Variants in DOCK8 observed in about 807,000 individuals in gnomAD.
DOCK8 encodes the protein dedicator of cytokinesis 8.
In DOCK8, 141 loss-of-function variants were observed where a neutral mutation model predicts 245.6. The ratio of observed to expected loss-of-function variants is 0.57; its 90% CI spans 0.50 to 0.66. The LOEUF is 0.66. DOCK8 is among the 30% of genes least tolerant of loss of function. The probability of loss-of-function intolerance (pLI) is 0.00; values close to 1 mark genes in which losing one functional copy is unlikely to be tolerated. For synonymous variants in DOCK8, 1,168 were observed against 970.2 expected (o/e 1.20, Z -3.79); for missense variants, 2,965 against 2,603.4 (o/e 1.14, Z -3.02).
At chr9:238,433 C>G (rs1308338085) in intron 1 of DOCK8, among the ~76,000 whole-genome samples, 1 of 151,764 alleles carries the variant, frequency 6.6e-6, no homozygotes, top group Middle Eastern at 3.2e-3. Flanking sequence ...GGTAGATACT[C>G]AAAAAAGAAA....
intron 24 of DOCK8, among the ~76,000 whole-genome samples, chr9:395,531 T>TTAGTAGTAGTAGTAGTAGTAGTAG (rs60738310): frequency 1.3e-5 from 2 of 149,476 alleles, no homozygotes; most frequent in East Asian, 2.0e-4. Context: ...TCCAGTGCCA[T>TTAGTAGTAGTAGTAGTAGTAGTAG]TAGTAGTAGT....
chr9:403,917 CAT>C (rs752540957), intron 26 of DOCK8, among the ~76,000 whole-genome samples: 1,880 of 64,910 alleles, frequency 0.029, 48 homozygotes, highest in East Asian at 0.056. Flanking sequence ...TATATATATA[CAT>C]ATATATATAT....
chr9:242,729 A>T (rs938462401), intron 1 of DOCK8, among the ~76,000 whole-genome samples: 1 of 152,022 alleles, frequency 6.6e-6, no homozygotes, highest in African/African-American at 2.4e-5. Context: ...GCCTTTGCCA[A>T]TCATTGCCAC....
At chr9:449,178 G>A (rs1392483371) in intron 44 of DOCK8, among the ~76,000 whole-genome samples, 3 of 151,886 alleles carry the variant, frequency 2.0e-5, no homozygotes, top group Admixed American at 6.6e-5. Context: ...TAGAGAAACC[G>A]CATCTCTACT....
At chr9:382,816 T>C (rs1038220672) in intron 22 of DOCK8, 131 bp downstream of exon 22, 9 of 1,200,608 alleles carry the variant, frequency 7.5e-6, no homozygotes, top group Non-Finnish European at 1.1e-5. Flanking sequence ...TGCTCAGCTT[T>C]GGAGTGATTA....
chr9:446,242 A>G, intron 43 of DOCK8, 128 bp from the exon 44 acceptor site: 3 of 813,438 alleles, frequency 3.7e-6, no homozygotes, highest in Non-Finnish European at 4.3e-6. Context: ...TCTCCCCTGC[A>G]TCTGTAGCTT....
intron 2 of DOCK8, chr9:273,065 C>T (rs1389661538): frequency 1.8e-5 from 18 of 985,274 alleles, no homozygotes; most frequent in Non-Finnish European, 2.0e-5. Flanking sequence ...TCTCCTGTAA[C>T]AATTTACGCG....
At chr9:254,801 A>C (rs2047729536) in intron 1 of DOCK8, among the ~76,000 whole-genome samples, 1 of 152,166 alleles carries the variant, frequency 6.6e-6, no homozygotes, top group Non-Finnish European at 1.5e-5. Context: ...CATTGGCTCG[A>C]AGTTCACAAG....
chr9:256,685 C>G (rs1272012783), intron 1 of DOCK8, among the ~76,000 whole-genome samples: 1 of 152,082 alleles, frequency 6.6e-6, no homozygotes, highest in Admixed American at 6.5e-5. Flanking sequence ...TTTTTCTTGT[C>G]TCAGGTACCT....
In DOCK8 at chr9:328,032, A is replaced by G. The variant is rs2050842606; in HGVS notation, c.905A>G (p.Asn302Ser). Reference protein sequence around the residue: ...DVKERKKISENFHCDLNSDQF... With the variant: ...DVKERKKISESFHCDLNSDQF... ...GCTGCTCATTTACAGATCTCAGAAA[A>G]TTTTCACTGTGACCTGAACTCTGAC... Residue 302 changes from asparagine (N) to serine (S), a missense_variant, in exon 9 of 48, where the codon AAT (asparagine) becomes AGT (serine). Physicochemically the swap from Asn to Ser is conservative, Grantham distance 46. Coordinates refer to ENST00000432829, the MANE Select transcript of DOCK8 (RefSeq NM_203447.4). The G allele has an allele frequency of 6.2e-7, 1 of 1,614,088 alleles. No homozygotes were observed. Among genetic ancestry groups the G allele is most frequent in the East Asian group, 2.2e-5 (1 of 44,884 alleles).
intron 2 of DOCK8, among the ~76,000 whole-genome samples, chr9:281,500 G>A (rs995456782): frequency 5.3e-5 from 8 of 151,712 alleles, no homozygotes; most frequent in African/African-American, 9.7e-5. Context: ...GCCTTGAACC[G>A]ATCTTAGGAA....
chr9:364,724 T>C (rs1373020133), intron 14 of DOCK8, among the ~76,000 whole-genome samples: 5 of 152,168 alleles, frequency 3.3e-5, no homozygotes, highest in African/African-American at 1.2e-4. Context: ...GTGATCTTCC[T>C]TGGAGCAATG....
At position 278,065 on chromosome 9, in the gene DOCK8, C is replaced by T. The variant is rs114995118; in HGVS notation, c.156+6336C>T. 9.1e-3 allele frequency among the ~76,000 whole-genome samples: 1,388 copies of T among 152,236 alleles called. 18 individuals carry two copies. The highest frequency in any genetic ancestry group is 0.028 in the African/African-American group (1,172 of 41,538). On this transcript the variant is annotated intron_variant, in intron 2 of 47. Transcript: ENST00000432829. ...ACTGATTGCACTGGAAGGGACATGA[C>T]GGAAAATGAAGATCTCAAGATAATT...
chr9:219,930 A>G (rs1261129984), intron 1 of DOCK8, among the ~76,000 whole-genome samples: 1 of 152,222 alleles, frequency 6.6e-6, no homozygotes, highest in Non-Finnish European at 1.5e-5. Flanking sequence ...AATTTTGGGC[A>G]TAACGACCAG....
At chr9:428,006 TG>T (rs2056562678) in intron 34 of DOCK8, among the ~76,000 whole-genome samples, 1 of 152,212 alleles carries the variant, frequency 6.6e-6, no homozygotes, top group African/African-American at 2.4e-5. Context: ...CAGCCCCTGT[TG>T]TACTGGGAAG....
At chr9:449,625 A>T (rs1242010605) in intron 44 of DOCK8, among the ~76,000 whole-genome samples, 159 bp from the exon 45 acceptor site, 4 of 152,194 alleles carry the variant, frequency 2.6e-5, no homozygotes, top group Non-Finnish European at 5.9e-5. Context: ...TGTTAGGCCC[A>T]TCTTTCTTTT....
chr9:278,709 A>G (rs1473328008), intron 2 of DOCK8, among the ~76,000 whole-genome samples: 1 of 152,234 alleles, frequency 6.6e-6, no homozygotes, highest in African/African-American at 2.4e-5. Context: ...AAGGAACAGT[A>G]CGTGCAAAGT....
At chr9:351,230 A>G (rs2052152292) in intron 14 of DOCK8, among the ~76,000 whole-genome samples, 1 of 152,166 alleles carries the variant, frequency 6.6e-6, no homozygotes, top group African/African-American at 2.4e-5. Flanking sequence ...TTCTCCAGAG[A>G]GAAGGTTTTG....
At chr9:431,243 C>A (rs546360672) in intron 36 of DOCK8, among the ~76,000 whole-genome samples, 1 of 152,156 alleles carries the variant, frequency 6.6e-6, no homozygotes, top group African/African-American at 2.4e-5. Flanking sequence ...GTCAAGTTTG[C>A]TTTAGTTTGT....
Sources: allele counts gnomAD v4.1 joint callset (sites outside exome capture counted in the v4.1 genomes callset), GRCh38; gene constraint gnomAD v4.1.1; transcripts MANE v1.5; gene names NCBI Gene and HGNC (gene_info 2026-07-23, HGNC 2026-07-21).